The following BCOR variants were observed in gnomAD, a reference collection of about 807,000 sequenced individuals.
BCOR encodes BCL6 corepressor.
A neutral mutation model predicts 86.7 loss-of-function variants in BCOR; 10 were observed. The observed-to-expected ratio is 0.12, with a 90% CI of 0.07 to 0.20. The LOEUF (loss-of-function observed/expected upper bound fraction) is 0.20. Among genes scored for constraint, BCOR ranks in the 10% least tolerant of loss-of-function variants. The probability of loss-of-function intolerance (pLI) is 1.00; values close to 1 mark genes in which losing one functional copy is unlikely to be tolerated. For missense variants in BCOR, 1,259 were observed against 1,452.1 expected, an observed-to-expected ratio of 0.87 and a Z score of 2.16; for synonymous variants, 611 against 609.0, an observed-to-expected ratio of 1.00 and a Z score of -0.05.
intron 1 of BCOR, among the ~76,000 whole-genome samples, chrX:40,120,943 C>T (rs925499674): frequency 2.7e-5 from 3 of 111,252 alleles, no homozygotes; most frequent in South Asian, 3.8e-4. Flanking sequence ...AAAGACTCAA[C>T]GGAGCCGGGG....
intron 1 of BCOR, among the ~76,000 whole-genome samples, chrX:40,083,199 G>T (rs975213940): frequency 9.0e-6 from 1 of 111,060 alleles, no homozygotes; most frequent in Non-Finnish European, 1.9e-5. Context: ...GGGTCTGCTG[G>T]AGAGTAAGAT....
chrX:40,052,647 T>TTCCA (rs368955038), intron 14 of BCOR, among the ~76,000 whole-genome samples: 29 of 102,592 alleles, frequency 2.8e-4, no homozygotes, highest in African/African-American at 1.0e-3. Context: ...TCACTGCAAG[T>TTCCA]TCCACCTCCC....
chrX:40,169,733 G>A (rs1284484618), intron 1 of BCOR, among the ~76,000 whole-genome samples: 5 of 111,808 alleles, frequency 4.5e-5, no homozygotes, highest in East Asian at 2.8e-4. Flanking sequence ...GAGGTAAACA[G>A]GCTTTCTGCA....
intron 2 of BCOR, chrX:40,076,847 G>A: frequency 6.1e-6 from 2 of 327,711 alleles, no homozygotes; most frequent in Non-Finnish European, 1.2e-5. Flanking sequence ...TAGAGGCCAA[G>A]TAGGCCAATC....
intron 6 of BCOR, among the ~76,000 whole-genome samples, chrX:40,066,931 C>G (rs1274501195): frequency 3.1e-5 from 3 of 97,576 alleles, no homozygotes; most frequent in African/African-American, 7.6e-5. Flanking sequence ...ACCCCCCCCC[C>G]CCCATCAAAT....
chrX:40,157,535 C>T (rs1938322989), intron 1 of BCOR, among the ~76,000 whole-genome samples: 2 of 112,636 alleles, frequency 1.8e-5, no homozygotes, highest in South Asian at 7.2e-4. Context: ...AAAAAGTTCA[C>T]ATTCTGCCTC....
At chrX:40,153,306 C>T (rs771260542) in intron 1 of BCOR, among the ~76,000 whole-genome samples, 21 of 112,844 alleles carry the variant, frequency 1.9e-4, no homozygotes, top group Non-Finnish European at 3.6e-4. Context: ...ACCCAGGGGG[C>T]ACCCCCACCC....
At chrX:40,124,984 A>T (rs1602242991) in intron 1 of BCOR, among the ~76,000 whole-genome samples, 1 of 69,733 alleles carries the variant, frequency 1.4e-5, no homozygotes, top group Non-Finnish European at 2.6e-5. Context: ...TCTTGTGGGG[A>T]GTGTTGGGTC....
chrX:40,112,194 T>C (rs1486948167), intron 1 of BCOR, among the ~76,000 whole-genome samples: 1 of 111,674 alleles, frequency 9.0e-6, no homozygotes, highest in Non-Finnish European at 1.9e-5. Flanking sequence ...TGGGCTTTTC[T>C]ATGCTCTACC....
intron 1 of BCOR, among the ~76,000 whole-genome samples, chrX:40,091,099 G>T (rs1000385308): frequency 1.8e-5 from 2 of 111,931 alleles, no homozygotes; most frequent in Non-Finnish European, 3.8e-5. Context: ...TCTGCCCCTG[G>T]CACCCTGACC....
At chrX:40,137,446 G>T (rs1937704818) in intron 1 of BCOR, among the ~76,000 whole-genome samples, 1 of 109,941 alleles carries the variant, frequency 9.1e-6, no homozygotes, top group Non-Finnish European at 1.9e-5. Context: ...TACTTGGGAG[G>T]CTGAGGCTGG....
upstream of BCOR, among the ~76,000 whole-genome samples, chrX:40,099,056 C>T (rs1404885377): frequency 8.8e-6 from 1 of 113,399 alleles, no homozygotes; most frequent in African/African-American, 3.2e-5. Flanking sequence ...TGACAGGGAG[C>T]AACTTTTGGC....
chrX:40,097,549 C>A lies in BCOR; in HGVS notation c.-375G>T, dbSNP rs1602214030. On this transcript the variant is annotated 5_prime_UTR_variant, in exon 1 of 15. Coordinates refer to ENST00000378444, the MANE Select transcript of BCOR (RefSeq NM_001123385.2). ...TGGGCCGGGTGGGGGCGGGGCGGGG[C>A]GGGCTCGGGGCCTCCGGGCAGGTGG... 1 of 107,034 alleles carries A rather than the reference C, an allele frequency of 9.3e-6. No homozygotes were observed. Among genetic ancestry groups the A allele is most frequent in the Admixed American group, 9.6e-5 (1 of 10,443 alleles). The allele number at this position is 107,034 out of a possible 1,213,427, so 8.8% of individuals were successfully genotyped here. A position where few individuals can be genotyped will look rare whatever the true frequency, so the allele number is the denominator to read the frequency against.
chrX:40,101,083 G>A (rs1445237941), upstream of BCOR, among the ~76,000 whole-genome samples: 1 of 110,191 alleles, frequency 9.1e-6, no homozygotes, highest in African/African-American at 3.3e-5. Context: ...TAAGGCAGAG[G>A]GGGGGAGGGG....
intron 1 of BCOR, among the ~76,000 whole-genome samples, chrX:40,140,141 T>A (rs1164414775): frequency 1.8e-5 from 2 of 109,382 alleles, no homozygotes; most frequent in Non-Finnish European, 3.8e-5. Context: ...AAACACACCA[T>A]CAGACCTTTG....
chrX:40,172,537 C>T (rs1416055519), intron 1 of BCOR, among the ~76,000 whole-genome samples: 2 of 113,273 alleles, frequency 1.8e-5, no homozygotes, highest in East Asian at 2.8e-4. Flanking sequence ...GCGGGCTGCG[C>T]GCTTGGAAGC....
chrX:40,138,370 G>A (rs754929865), intron 1 of BCOR, among the ~76,000 whole-genome samples: 6 of 111,831 alleles, frequency 5.4e-5, no homozygotes, highest in East Asian at 2.8e-4. Context: ...GGACGACTAC[G>A]AAGCCACATT....
intron 1 of BCOR, among the ~76,000 whole-genome samples, chrX:40,129,038 T>C (rs1403525284): frequency 8.9e-6 from 1 of 111,954 alleles, no homozygotes; most frequent in Non-Finnish European, 1.9e-5. Context: ...TTGCACATGA[T>C]GAAGCTGAGA....
At chrX:40,075,495 C>T (rs1935763756) in intron 3 of BCOR, among the ~76,000 whole-genome samples, 3 of 111,962 alleles carry the variant, frequency 2.7e-5, no homozygotes, top group South Asian at 7.5e-4. Flanking sequence ...CGGTGGCTCA[C>T]GCCTGTAATC....
Sources: allele counts gnomAD v4.1 joint callset (sites outside exome capture counted in the v4.1 genomes callset), GRCh38; gene constraint gnomAD v4.1.1; transcripts MANE v1.5; gene names NCBI Gene and HGNC (gene_info 2026-07-23, HGNC 2026-07-21).